Variants in LYN observed in about 807,000 individuals in gnomAD.
LYN encodes tyrosine-protein kinase Lyn.
Under a neutral mutation model 65.0 loss-of-function variants are expected in LYN, and 12 were observed. The observed-to-expected ratio is 0.18, with a 90% CI of 0.12 to 0.30. The LOEUF is 0.30. Among genes scored for constraint, LYN ranks in the 10% least tolerant of loss-of-function variants. The pLI is 1.00. For synonymous variants in LYN, 222 were observed against 221.2 expected, an observed-to-expected ratio of 1.00 and a Z score of -0.03; for missense variants, 380 against 623.2, an observed-to-expected ratio of 0.61 and a Z score of 4.16.
At chr8:55,899,529 TTTA>T (rs1281138623) in intron 1 of LYN, among the ~76,000 whole-genome samples, 1 of 152,154 alleles carries the variant, frequency 6.6e-6, no homozygotes, top group Non-Finnish European at 1.5e-5. Flanking sequence ...GCAGAGAACA[TTTA>T]TTGAGTGCAC....
chr8:55,997,525 G>A (rs1437169036), intron 10 of LYN, among the ~76,000 whole-genome samples: 3 of 152,116 alleles, frequency 2.0e-5, no homozygotes, highest in Non-Finnish European at 4.4e-5. Context: ...CAGCTCTCTG[G>A]GGTCTCTTTT....
intron 1 of LYN, among the ~76,000 whole-genome samples, chr8:55,917,313 G>C (rs1433809593): frequency 6.6e-6 from 1 of 152,136 alleles, no homozygotes; most frequent in Admixed American, 6.5e-5. Context: ...AGCCTCCCAA[G>C]TAGCTGGGAC....
At chr8:55,885,426 T>C (rs1433913146) in intron 1 of LYN, among the ~76,000 whole-genome samples, 1 of 152,250 alleles carries the variant, frequency 6.6e-6, no homozygotes, top group Non-Finnish European at 1.5e-5. Context: ...TGCTCACTCC[T>C]CTTTATTGAC....
intron 1 of LYN, among the ~76,000 whole-genome samples, chr8:55,912,530 A>T (rs149110101): frequency 7.0e-4 from 107 of 152,320 alleles, no homozygotes; most frequent in African/African-American, 2.5e-3. Context: ...GTTCGAGACC[A>T]GCCTGGCCAA....
At chr8:55,952,574 A>T (rs1806982596) in intron 7 of LYN, among the ~76,000 whole-genome samples, 2 of 152,200 alleles carry the variant, frequency 1.3e-5, no homozygotes, top group Non-Finnish European at 2.9e-5. Flanking sequence ...AACAAATACT[A>T]AAATAAAAGC....
At position 55,999,638 on chromosome 8, in the gene LYN, A is replaced by T. The variant is rs1479226243; in HGVS notation, c.1336+89A>T. ...GGCATTAAAAAGTAATAATTACTTC[A>T]TCTACCCGATAGCAAAGAATAAGTG... On this transcript the variant is annotated intron_variant, in intron 12 of 12. Coordinates refer to ENST00000519728, the MANE Select transcript of LYN (RefSeq NM_002350.4). 4 of 1,268,948 alleles carry T rather than the reference A, an allele frequency of 3.2e-6. No individual in the cohort carries two copies. In the African/African-American group the frequency reaches 5.9e-5, roughly 19 times the overall value. The allele number at this position is 1,268,948 out of a possible 1,614,324, so 78.6% of individuals were successfully genotyped here.
Position 55,947,601 on chromosome 8 carries a change from C to A in LYN, c.179-17C>A. 2 of 1,564,594 alleles carry A rather than the reference C, an allele frequency of 1.3e-6. No individual in the cohort carries two copies. Among genetic ancestry groups the A allele is most frequent in the Middle Eastern group, 1.7e-4 (1 of 5,976 alleles). Reference sequence around the variant, plus strand: ...GCTGATGGATTCTTACAGGTGTTCTCTTGTGTTCATCTTTAGATCCAGAGG... The same window carrying A: ...GCTGATGGATTCTTACAGGTGTTCTATTGTGTTCATCTTTAGATCCAGAGG... On this transcript the variant is annotated splice_polypyrimidine_tract_variant and intron_variant, in intron 3 of 12. Coordinates refer to ENST00000519728, the MANE Select transcript of LYN (RefSeq NM_002350.4).
intron 11 of LYN, 40 bp downstream of exon 11, chr8:55,998,539 GTTTTA>G: frequency 6.4e-7 from 1 of 1,571,666 alleles, no homozygotes; most frequent in Non-Finnish European, 8.7e-7. Flanking sequence ...TTATTATTGT[GTTTTA>G]TTTTGTTTTT....
intron 2 of LYN, 38 bp from the exon 3 acceptor site, chr8:55,946,409 TA>T: frequency 7.1e-7 from 1 of 1,416,244 alleles, no homozygotes; most frequent in Non-Finnish European, 1.0e-6. Context: ...TAAGAAAAGC[TA>T]AACAGAATTT....
chr8:55,907,815 G>A (rs762202479), intron 1 of LYN, among the ~76,000 whole-genome samples: 1 of 152,066 alleles, frequency 6.6e-6, no homozygotes, highest in African/African-American at 2.4e-5. Flanking sequence ...GCAGTGAGCT[G>A]TAATAGGGCC....
chr8:55,983,444 C>G (rs1008410061), intron 10 of LYN, among the ~76,000 whole-genome samples: 3 of 152,214 alleles, frequency 2.0e-5, no homozygotes, highest in Admixed American at 1.3e-4. Flanking sequence ...TCCCCTACAT[C>G]CCTCTCCAGC....
At chr8:55,915,069 A>G (rs1805746662) in intron 1 of LYN, among the ~76,000 whole-genome samples, 1 of 152,206 alleles carries the variant, frequency 6.6e-6, no homozygotes, top group African/African-American at 2.4e-5. Flanking sequence ...TGTATTAACC[A>G]TGGGCTGATG....
Position 56,011,175 on chromosome 8 carries a change from C to A in LYN, c.*1065C>A, listed in dbSNP as rs1174372731. ...TAGCATGTGTATGAGACTATTTATA[C>A]CCAAGGATATGAAGGAACATAAGTG... On this transcript the variant is annotated 3_prime_UTR_variant, in exon 13 of 13. Coordinates refer to ENST00000519728, the MANE Select transcript of LYN (RefSeq NM_002350.4). The A allele has an allele frequency of 8.8e-6, 2 of 227,640 alleles. No homozygotes were observed. Among genetic ancestry groups the A allele is most frequent in the Non-Finnish European group, 1.7e-5 (2 of 114,742 alleles). The allele number at this position is 227,640 out of a possible 1,614,324, so 14.1% of individuals were successfully genotyped here.
rs369641520 is a variant in LYN, at chr8:55,950,588, C to T, written c.383+31C>T. 8 of 1,589,426 alleles carry T rather than the reference C, an allele frequency of 5.0e-6. No homozygotes were observed. The African/African-American group carries it at 6.7e-5, about 13-fold the overall frequency. ...TCCTCATGTGTTGTCATCTTGGTGG[C>T]TTTATTTGCCACATTGGATTTCTTG... On this transcript the variant is annotated intron_variant, in intron 5 of 12. Transcript: ENST00000519728.
intron 1 of LYN, among the ~76,000 whole-genome samples, chr8:55,899,552 C>T (rs573402145): frequency 6.6e-6 from 1 of 152,292 alleles, no homozygotes; most frequent in South Asian, 2.1e-4. Flanking sequence ...CACGGTATGT[C>T]ATTCGTTCTT....
chr8:55,906,649 G>A (rs1337377127), intron 1 of LYN, among the ~76,000 whole-genome samples: 1 of 151,606 alleles, frequency 6.6e-6, no homozygotes, highest in African/African-American at 2.4e-5. Flanking sequence ...GAGCCATCAC[G>A]CCTGGCCGAG....
At chr8:56,001,810 C>A (rs1218891250) in intron 12 of LYN, among the ~76,000 whole-genome samples, 1 of 151,966 alleles carries the variant, frequency 6.6e-6, no homozygotes. Flanking sequence ...TTGTGATATG[C>A]GTGGTGTGCT....
intron 1 of LYN, among the ~76,000 whole-genome samples, chr8:55,900,636 C>T (rs1368260912): frequency 6.6e-6 from 1 of 151,656 alleles, no homozygotes; most frequent in Non-Finnish European, 1.5e-5. Flanking sequence ...CAGTCTTGGC[C>T]TCCCAAAGTA....
intron 10 of LYN, among the ~76,000 whole-genome samples, chr8:55,975,394 G>A (rs1366130828): frequency 6.6e-6 from 1 of 152,178 alleles, no homozygotes; most frequent in Non-Finnish European, 1.5e-5. Context: ...TCTGTGAGAT[G>A]GGAGGCACAG....
Sources: gnomAD v4.1 joint callset for allele counts (sites outside exome capture counted in the v4.1 genomes callset) on GRCh38, gnomAD v4.1.1 for gene constraint, MANE v1.5 for transcripts, NCBI Gene and HGNC (gene_info 2026-07-23, HGNC 2026-07-21) for gene names.